The following ARF4 variants were observed in gnomAD, a reference collection of about 807,000 sequenced individuals.
ARF4 encodes ARF GTPase 4.
Under a neutral mutation model 24.3 loss-of-function variants are expected in ARF4, and 5 were observed. The observed-to-expected ratio is 0.21, with a 90% CI of 0.11 to 0.43. The LOEUF is 0.43. Ranked by LOEUF, ARF4 falls within the 20% of genes least tolerant of loss-of-function variation. The pLI, the probability that ARF4 is intolerant of heterozygous loss-of-function variation, is 1.00. For missense variants in ARF4, 107 were observed against 213.0 expected, an observed-to-expected ratio of 0.50 and a Z score of 3.10; for synonymous variants, 62 against 73.5, an observed-to-expected ratio of 0.84 and a Z score of 0.80.
At chr3:57,596,893 G>C (rs2070195076) in intron 1 of ARF4, 181 bp downstream of exon 1, 1 of 619,946 alleles carries the variant, frequency 1.6e-6, no homozygotes, top group East Asian at 2.9e-5. Flanking sequence ...GACAGATCGG[G>C]GGCGGGGGGG....
rs540172170 is a variant in ARF4 at position 57,581,648 on chromosome 3, A to G, written c.258+2250T>C. Among the ~76,000 whole-genome samples, 19 of 152,266 alleles carry G rather than the reference A, an allele frequency of 1.2e-4. No homozygotes were observed. In the South Asian group the frequency reaches 3.9e-3, roughly 32 times the overall value. Reference sequence around the variant, plus strand: ...AAACCCCGTCTCTACTAAAAATACAAAATTAGCCAGGTGTGGTGGCGCATG... The same window carrying G: ...AAACCCCGTCTCTACTAAAAATACAGAATTAGCCAGGTGTGGTGGCGCATG... On this transcript the variant is annotated intron_variant, in intron 3 of 5. Coordinates refer to ENST00000303436, the MANE Select transcript of ARF4 (RefSeq NM_001660.4).
At chr3:57,582,753 T>G (rs999793526) in intron 3 of ARF4, among the ~76,000 whole-genome samples, 2 of 55,160 alleles carry the variant, frequency 3.6e-5, no homozygotes, top group African/African-American at 7.3e-5. Flanking sequence ...TTAAAAAAAA[T>G]TATTAAGTAA....
chr3:57,575,173 G>GC (rs1206098537), intron 5 of ARF4, among the ~76,000 whole-genome samples: 1 of 151,960 alleles, frequency 6.6e-6, no homozygotes, highest in East Asian at 1.9e-4. Context: ...TTTAAAACAA[G>GC]CAAACAAACA....
intron 1 of ARF4, among the ~76,000 whole-genome samples, chr3:57,586,829 C>G (rs1469837200): frequency 6.6e-6 from 1 of 152,040 alleles, no homozygotes. Context: ...TTTAAATGGT[C>G]CAACAAAGCT....
At chr3:57,574,457 G>A (rs974201229) in intron 5 of ARF4, among the ~76,000 whole-genome samples, 9 of 148,942 alleles carry the variant, frequency 6.0e-5, no homozygotes, top group African/African-American at 2.2e-4. Context: ...CACCCAGGCT[G>A]GGGTGCAATG....
At chr3:57,581,461 T>C (rs2069969732) in intron 3 of ARF4, among the ~76,000 whole-genome samples, 1 of 152,166 alleles carries the variant, frequency 6.6e-6, no homozygotes. Context: ...GGTCAAGAAT[T>C]ATTAGGCTTA....
rs142931019 is a variant in ARF4 at position 57,585,144 on chromosome 3, G to A, written c.68-680C>T. Among the ~76,000 whole-genome samples the A allele has an allele frequency of 4.4e-3, 677 of 152,228 alleles. 6 individuals carry two copies. The highest frequency in any genetic ancestry group is 0.016 in the African/African-American group (657 of 41,528). Reference sequence around the variant, plus strand: ...CTGCCAATGTGCTGGGATTACAAGCGTGAGCCACCGTGCCCAGCCATACTA... The same window carrying A: ...CTGCCAATGTGCTGGGATTACAAGCATGAGCCACCGTGCCCAGCCATACTA... On this transcript the variant is annotated intron_variant, in intron 1 of 5. Transcript: ENST00000303436.
At position 57,575,595 on chromosome 3, in the gene ARF4, T is replaced by C; in HGVS notation, c.409A>G (p.Ser137Gly). Residue 137 changes from serine (S) to glycine (G), a missense_variant, in exon 5 of 6, where the codon AGT (serine) becomes GGT (glycine). Coordinates refer to ENST00000303436, the MANE Select transcript of ARF4 (RefSeq NM_001660.4). ...KQDLPNAMAI[S>G]EMTDKLGLQS... ...AGCCCTAGTTTATCTGTCATTTCAC[T>C]GATGGCCATAGCATTTGGCAAATCC... 1.2e-6 allele frequency: 2 copies of C among 1,613,680 alleles called. No individual in the cohort carries two copies. Among genetic ancestry groups the C allele is most frequent in the Admixed American group, 1.7e-5 (1 of 59,918 alleles).
At chr3:57,573,944 T>G (rs564986189) in intron 5 of ARF4, among the ~76,000 whole-genome samples, 8 of 148,226 alleles carry the variant, frequency 5.4e-5, no homozygotes, top group East Asian at 2.1e-4. Context: ...TTTTTTTTTG[T>G]TTGTTTGTTT....
chr3:57,579,123 A>G (rs916936471), intron 3 of ARF4, among the ~76,000 whole-genome samples: 3 of 151,706 alleles, frequency 2.0e-5, no homozygotes, highest in Non-Finnish European at 4.4e-5. Flanking sequence ...CCCCATCTCT[A>G]CTAAAAATAC....
intron 1 of ARF4, among the ~76,000 whole-genome samples, chr3:57,594,253 C>T (rs1037018967): frequency 5.3e-5 from 8 of 152,088 alleles, no homozygotes; most frequent in Non-Finnish European, 5.9e-5. Flanking sequence ...AAAATACAGA[C>T]GCTATTGCTT....
rs1289800009 is a variant in ARF4 at position 57,590,139 on chromosome 3, A to T, written c.68-5675T>A. On this transcript the variant is annotated intron_variant, in intron 1 of 5. Coordinates refer to ENST00000303436, the MANE Select transcript of ARF4 (RefSeq NM_001660.4). ...AATAAATAAATAAATAAATAAAACA[A>T]AAAACAAAAAAAGAACATCTATAAA... is the stretch of plus-strand genomic sequence containing the variant. 5.5e-5 allele frequency among the ~76,000 whole-genome samples: 8 copies of T among 144,660 alleles called. No individual in the cohort carries two copies. The South Asian group carries it at 1.4e-3, about 25-fold the overall frequency. The allele number at this position is 144,660 out of a possible 152,430, so 94.9% of individuals were successfully genotyped here. A position where few individuals can be genotyped will look rare whatever the true frequency, so the allele number is the denominator to read the frequency against.
chr3:57,595,627 G>C (rs370825222), intron 1 of ARF4, among the ~76,000 whole-genome samples: 1 of 152,270 alleles, frequency 6.6e-6, no homozygotes, highest in African/African-American at 2.4e-5. Context: ...GCTTGTGTTT[G>C]CAAGTTTTGA....
intron 3 of ARF4, among the ~76,000 whole-genome samples, chr3:57,579,693 T>C (rs1042303402): frequency 6.6e-6 from 1 of 152,188 alleles, no homozygotes; most frequent in Non-Finnish European, 1.5e-5. Flanking sequence ...ATTTCCTTTG[T>C]TTTAGCAAAT....
At chr3:57,583,743 C>T (rs1009306363) in intron 3 of ARF4, among the ~76,000 whole-genome samples, 155 bp downstream of exon 3, 3 of 152,114 alleles carry the variant, frequency 2.0e-5, no homozygotes, top group African/African-American at 7.2e-5. Context: ...CCTTCAAGGC[C>T]TAAGTGAGAG....
At position 57,597,313 on chromosome 3, in the gene ARF4, G is replaced by A. The variant is rs1414711452; in HGVS notation, c.-173C>T. The A allele has an allele frequency of 3.3e-6, 2 of 603,932 alleles. No homozygotes were observed. The highest frequency in any genetic ancestry group is 3.1e-5 in the East Asian group (1 of 32,412). The allele number at this position is 603,932 out of a possible 1,614,324, so 37.4% of individuals were successfully genotyped here. On this transcript the variant is annotated 5_prime_UTR_variant, in exon 1 of 6. Coordinates refer to ENST00000303436, the MANE Select transcript of ARF4 (RefSeq NM_001660.4). ...CTGTGCCGATGAAGATCCGGCACAG[G>A]AATAAGCCGGTAGAGGACCTGCTAG...
intron 3 of ARF4, among the ~76,000 whole-genome samples, chr3:57,582,917 C>T (rs898003639): frequency 6.6e-6 from 1 of 152,184 alleles, no homozygotes. Flanking sequence ...TAGATTAGAA[C>T]AGTGGTTCTC....
intron 5 of ARF4, among the ~76,000 whole-genome samples, chr3:57,574,975 G>C (rs1015172292): frequency 4.6e-5 from 7 of 151,992 alleles, no homozygotes; most frequent in African/African-American, 1.7e-4. Flanking sequence ...CAGCCTTCCT[G>C]AGTAGCTGGG....
intron 1 of ARF4, among the ~76,000 whole-genome samples, chr3:57,589,371 C>T (rs573568439): frequency 5.3e-5 from 8 of 151,276 alleles, no homozygotes; most frequent in East Asian, 2.0e-4. Context: ...AAGGCTGCAG[C>T]GAGCCATGAT....
Sources: allele counts gnomAD v4.1 joint callset (sites outside exome capture counted in the v4.1 genomes callset), GRCh38; gene constraint gnomAD v4.1.1; transcripts MANE v1.5; gene names NCBI Gene and HGNC (gene_info 2026-07-23, HGNC 2026-07-21).